Variants in RAPGEF5 observed in about 807,000 individuals in gnomAD.
RAPGEF5 encodes the protein Rap guanine nucleotide exchange factor 5.
A neutral mutation model predicts 125.2 loss-of-function variants in RAPGEF5; 65 were observed. That is an observed-to-expected ratio of 0.52 (90% CI 0.43 to 0.64). The LOEUF (loss-of-function observed/expected upper bound fraction) is 0.64, where lower values mean the gene tolerates loss of function less well. RAPGEF5 is among the 30% of genes least tolerant of loss of function. RAPGEF5 has a pLI of 0.00. For synonymous variants in RAPGEF5, 391 were observed against 385.9 expected, an observed-to-expected ratio of 1.01 and a Z score of -0.16; for missense variants, 958 against 1,048.1, an observed-to-expected ratio of 0.91 and a Z score of 1.19.
chr7:22,196,188 T>G (rs1241346593), intron 9 of RAPGEF5, among the ~76,000 whole-genome samples: 1 of 152,194 alleles, frequency 6.6e-6, no homozygotes, highest in Non-Finnish European at 1.5e-5. Context: ...AAATATGTTA[T>G]CTAAAATTGC....
At chr7:22,247,345 C>A (rs944423916) in intron 7 of RAPGEF5, among the ~76,000 whole-genome samples, 1 of 152,166 alleles carries the variant, frequency 6.6e-6, no homozygotes, top group African/African-American at 2.4e-5. Flanking sequence ...GCATCCCCAC[C>A]CAAATCTCAT....
chr7:22,222,449 T>C (rs1183302935), intron 8 of RAPGEF5, among the ~76,000 whole-genome samples: 1 of 151,848 alleles, frequency 6.6e-6, no homozygotes, highest in Non-Finnish European at 1.5e-5. Flanking sequence ...CTAAAGGAAA[T>C]GAGGAAGAAG....
In RAPGEF5 at chr7:22,297,329, A is replaced by G. The variant is rs546669910; in HGVS notation, c.681-6088T>C. ...ATCCATTTTTATCAGGAGCAAAGAT[A>G]GAGTCCACCAATATAGATGCAGGCA... On this transcript the variant is annotated intron_variant, in intron 5 of 25. Transcript: ENST00000665637. Among the ~76,000 whole-genome samples, 6 of 152,360 alleles carry G rather than the reference A, an allele frequency of 3.9e-5. No homozygotes were observed. In the South Asian group the frequency reaches 1.2e-3, roughly 32 times the overall value.
chr7:22,226,274 T>A (rs1785915883), intron 8 of RAPGEF5, among the ~76,000 whole-genome samples: 1 of 152,216 alleles, frequency 6.6e-6, no homozygotes, highest in Non-Finnish European at 1.5e-5. Context: ...CTATGTAATA[T>A]CTTAATTTCA....
chr7:22,335,563 G>A (rs143795984), intron 1 of RAPGEF5, among the ~76,000 whole-genome samples: 2 of 152,132 alleles, frequency 1.3e-5, no homozygotes, highest in Admixed American at 6.5e-5. Context: ...GACAAGGTGG[G>A]GTGGGTGGGG....
intron 1 of RAPGEF5, among the ~76,000 whole-genome samples, chr7:22,318,761 C>T (rs1217702923): frequency 1.3e-5 from 2 of 152,154 alleles, no homozygotes; most frequent in African/African-American, 4.8e-5. Flanking sequence ...TTTGTGGAGT[C>T]GGCTCCTGCA....
At chr7:22,279,600 T>C (rs1262685238) in intron 6 of RAPGEF5, among the ~76,000 whole-genome samples, 1 of 152,152 alleles carries the variant, frequency 6.6e-6, no homozygotes, top group Non-Finnish European at 1.5e-5. Context: ...ACAGATTCCA[T>C]TAGTCCTGAA....
At position 22,160,693 on chromosome 7, in the gene RAPGEF5, C is replaced by T. The variant is rs910937164; in HGVS notation, c.1429-78G>A. 13 of 1,402,886 alleles carry T rather than the reference C, an allele frequency of 9.3e-6. No individual in the cohort carries two copies. In the African/African-American group the frequency reaches 1.5e-4, roughly 16 times the overall value. 86.9% of individuals were successfully genotyped at this position (1,402,886 alleles called of 1,614,324 possible). On this transcript the variant is annotated intron_variant, in intron 13 of 25. Coordinates refer to ENST00000665637, the MANE Select transcript of RAPGEF5 (RefSeq NM_012294.5). ...GATTAAGACTCATACCATGGCTATCCTAACACAGGAAATAAGGAGGGATTC... is the reference window on the plus strand; with the variant it reads ...GATTAAGACTCATACCATGGCTATCTTAACACAGGAAATAAGGAGGGATTC...
chr7:22,309,685 T>C (rs990294130), intron 4 of RAPGEF5, among the ~76,000 whole-genome samples: 3 of 152,176 alleles, frequency 2.0e-5, no homozygotes, highest in Non-Finnish European at 4.4e-5. Context: ...TGAAAAAAGT[T>C]TGTAAGCAGC....
At chr7:22,327,506 G>A (rs183256886) in intron 1 of RAPGEF5, among the ~76,000 whole-genome samples, 56 of 152,142 alleles carry the variant, frequency 3.7e-4, no homozygotes, top group African/African-American at 2.7e-4. Flanking sequence ...CTTCCTTAAC[G>A]CTCTTCACCT....
intron 8 of RAPGEF5, among the ~76,000 whole-genome samples, chr7:22,226,519 A>G (rs1438202737): frequency 1.3e-5 from 2 of 152,224 alleles, no homozygotes; most frequent in African/African-American, 4.8e-5. Context: ...ATTTCTTCAG[A>G]GAAAAAAGTT....
chr7:22,193,332 A>T, intron 11 of RAPGEF5, 35 bp downstream of exon 11: 1 of 1,550,200 alleles, frequency 6.5e-7, no homozygotes, highest in South Asian at 1.2e-5. Flanking sequence ...ATCAGCTGCT[A>T]TCAGTCTGGA....
Position 22,141,197 on chromosome 7 carries a change from C to T in RAPGEF5, c.2187-1082G>A, listed in dbSNP as rs147513779. ...AAAAGAGCATATTACATAATTTATT[C>T]CTCTATTGTGGATGATTTTCAATTT... is the stretch of plus-strand genomic sequence containing the variant. On this transcript the variant is annotated intron_variant, in intron 20 of 25. Coordinates refer to ENST00000665637, the MANE Select transcript of RAPGEF5 (RefSeq NM_012294.5). 2.0e-3 allele frequency among the ~76,000 whole-genome samples: 307 copies of T among 152,216 alleles called. 2 individuals are homozygous for T. Among genetic ancestry groups the T allele is most frequent in the African/African-American group, 6.7e-3 (278 of 41,524 alleles).
intron 6 of RAPGEF5, among the ~76,000 whole-genome samples, chr7:22,290,146 T>A (rs560578328): frequency 9.9e-5 from 15 of 152,228 alleles, no homozygotes; most frequent in Non-Finnish European, 2.1e-4. Context: ...CTGTGCCCAG[T>A]TGACAAGACC....
At chr7:22,143,628 G>A (rs1027141147) in intron 20 of RAPGEF5, among the ~76,000 whole-genome samples, 6 of 152,188 alleles carry the variant, frequency 3.9e-5, no homozygotes, top group African/African-American at 1.4e-4. Flanking sequence ...GCCTCCCACA[G>A]AGAGTGTACT....
intron 9 of RAPGEF5, among the ~76,000 whole-genome samples, chr7:22,196,825 C>T (rs1785158520): frequency 6.6e-6 from 1 of 152,078 alleles, no homozygotes; most frequent in Non-Finnish European, 1.5e-5. Flanking sequence ...GTTTAGCAAG[C>T]AGTTAGAAAT....
At chr7:22,301,826 C>T (rs73282251) in intron 5 of RAPGEF5, among the ~76,000 whole-genome samples, 3 of 152,020 alleles carry the variant, frequency 2.0e-5, no homozygotes, top group African/African-American at 7.3e-5. Flanking sequence ...AACTGTATGA[C>T]ATATTTTCAT....
chr7:22,270,672 C>A (rs1782397333), intron 6 of RAPGEF5, among the ~76,000 whole-genome samples: 1 of 152,204 alleles, frequency 6.6e-6, no homozygotes, highest in Admixed American at 6.5e-5. Flanking sequence ...CTTTTCCTGT[C>A]ATAACCCTTC....
At chr7:22,182,570 T>A (rs559748643) in intron 11 of RAPGEF5, among the ~76,000 whole-genome samples, 1 of 152,278 alleles carries the variant, frequency 6.6e-6, no homozygotes, top group East Asian at 1.9e-4. Context: ...ATATTAAATA[T>A]GCCAATAGAC....
Sources: allele counts gnomAD v4.1 joint callset (sites outside exome capture counted in the v4.1 genomes callset), GRCh38; gene constraint gnomAD v4.1.1; transcripts MANE v1.5; gene names NCBI Gene and HGNC (gene_info 2026-07-23, HGNC 2026-07-21).